Variants in MCAM observed in about 807,000 individuals in gnomAD.
MCAM encodes melanoma cell adhesion molecule, also known as cell surface glycoprotein MUC18.
In MCAM, 55 loss-of-function variants were observed where a neutral mutation model predicts 79.1. The observed-to-expected ratio is 0.70, with a 90% CI of 0.56 to 0.87. The LOEUF (loss-of-function observed/expected upper bound fraction) is 0.87. MCAM is among the 40% of genes least tolerant of loss of function. The probability of loss-of-function intolerance (pLI) is 0.00; values close to 1 mark genes in which losing one functional copy is unlikely to be tolerated. For missense variants in MCAM, 745 were observed against 839.8 expected (o/e 0.89, Z 1.40); for synonymous variants, 330 against 339.8 (o/e 0.97, Z 0.32).
In MCAM at chr11:119,312,007, C is replaced by T. The variant is rs1950241083; in HGVS notation, c.1143+45G>A. The T allele has an allele frequency of 6.2e-7, 1 of 1,606,032 alleles. No individual in the cohort carries two copies. The highest frequency in any genetic ancestry group is 1.1e-5 in the South Asian group (1 of 90,044). ...AAGAGCACATTCTTGTCACCGCCAG[C>T]CCCACCCACCCCATCAGCCCCTTGC... On this transcript the variant is annotated intron_variant, in intron 9 of 15. Transcript: ENST00000264036. The surrounding 1 kb of genome is among the most constrained non-coding windows in gnomAD (Gnocchi z 4.9).
In MCAM at chr11:119,312,420, G is replaced by A; in HGVS notation, c.870C>T (p.Ser290=). The change falls in exon 8 of 16, where the codon AGC becomes AGT. Residue 290 remains serine, a synonymous_variant. Coordinates refer to ENST00000264036, the MANE Select transcript of MCAM (RefSeq NM_006500.3). The surrounding 1 kb of genome is among the most constrained non-coding windows in gnomAD (Gnocchi z 4.9). ...TTGTCTCTTCCTCTGCCTCCCTGGT[G>A]CTGGGGTTCTAGGGAGGATTGGGGA... ...PHFSISKQNP[S]TREAEEETTN... The A allele has an allele frequency of 6.2e-7, 1 of 1,613,876 alleles. No individual in the cohort carries two copies. Among genetic ancestry groups the A allele is most frequent in the Non-Finnish European group, 8.5e-7 (1 of 1,179,934 alleles).
rs1950229663 is a variant in MCAM at position 119,311,252 on chromosome 11, C to T, written c.1549+28G>A. On this transcript the variant is annotated intron_variant, in intron 12 of 15. Coordinates refer to ENST00000264036, the MANE Select transcript of MCAM (RefSeq NM_006500.3). The surrounding 1 kb of genome is among the most constrained non-coding windows in gnomAD (Gnocchi z 4.4). ...CTGCCCGTGCCTGGGCCTGCCCCTG[C>T]CATCCCCTGCAGGGATGCAGCCCTC... 3 of 1,613,314 alleles carry T rather than the reference C, an allele frequency of 1.9e-6. No individual in the cohort carries two copies. The African/African-American group carries it at 4.0e-5, about 22-fold the overall frequency.
rs139348270 is a variant in MCAM at position 119,310,884 on chromosome 11, C to G, written c.1665G>C (p.Pro555=). 9 of 1,614,068 alleles carry G rather than the reference C, an allele frequency of 5.6e-6. No individual in the cohort carries two copies. In the South Asian group the frequency reaches 9.9e-5, roughly 18 times the overall value. ...STSTERKLPE[P]ESRGVVIVAV... ...CCACGATGACCACGCCCCGGCTCTC[C>G]GGCTCCGGCAGCTTTCTCTCTGCGC... Residue 555 remains proline, a synonymous_variant, in exon 14 of 16, where the codon CCG becomes CCC. Coordinates refer to ENST00000264036, the MANE Select transcript of MCAM (RefSeq NM_006500.3).
At position 119,312,477 on chromosome 11, in the gene MCAM, C is replaced by T. The variant is rs768671522; in HGVS notation, c.862-49G>A. 21 of 1,613,822 alleles carry T rather than the reference C, an allele frequency of 1.3e-5. No homozygotes were observed. Among genetic ancestry groups the T allele is most frequent in the Admixed American group, 1.7e-5 (1 of 60,002 alleles). On this transcript the variant is annotated intron_variant, in intron 7 of 15. Transcript: ENST00000264036. The surrounding 1 kb of genome is among the most constrained non-coding windows in gnomAD (Gnocchi z 4.9). ...CAGAGTGCACCTCCCGCCACTCCAC[C>T]TGGGTCTCTGCTTGCATCCCCACCT...
At position 119,310,890 on chromosome 11, in the gene MCAM, C is replaced by T. The variant is rs550922304; in HGVS notation, c.1659G>A (p.Pro553=). The change falls in exon 14 of 16, where the codon CCG becomes CCA. Residue 553 remains proline, a synonymous_variant. Coordinates refer to ENST00000264036, the MANE Select transcript of MCAM (RefSeq NM_006500.3). ...ANSTSTERKL[P]EPESRGVVIV... ...TGACCACGCCCCGGCTCTCCGGCTCCGGCAGCTTTCTCTCTGCGCCACAAA... is the reference window on the plus strand; with the variant it reads ...TGACCACGCCCCGGCTCTCCGGCTCTGGCAGCTTTCTCTCTGCGCCACAAA... 28 of 1,614,170 alleles carry T rather than the reference C, an allele frequency of 1.7e-5. No individual in the cohort carries two copies. The highest frequency in any genetic ancestry group is 1.3e-4 in the South Asian group (12 of 91,086).
intron 5 of MCAM, chr11:119,313,198 G>T (rs868630632): frequency 6.8e-7 from 1 of 1,467,046 alleles, no homozygotes; most frequent in African/African-American, 1.4e-5. Context: ...TGATAAAAAC[G>T]AGCAGCCGTC....
intron 15 of MCAM, 70 bp from the exon 16 acceptor site, chr11:119,309,985 G>T: frequency 7.7e-7 from 1 of 1,305,826 alleles, no homozygotes; most frequent in Non-Finnish European, 1.1e-6. Context: ...GCACCGAGAG[G>T]AAGGAGAGAT....
chr11:119,315,255 C>T lies in MCAM; in HGVS notation c.76G>A (p.Gly26Arg), dbSNP rs758159085. The T allele has an allele frequency of 7.5e-6, 12 of 1,609,918 alleles. No homozygotes were observed. Among genetic ancestry groups the T allele is most frequent in the African/African-American group, 2.7e-5 (2 of 75,004 alleles). The change falls in exon 2 of 16, where the codon GGA (glycine) becomes AGA (arginine). Residue 26 changes from glycine (G) to arginine (R), a missense_variant. Physicochemically the swap from Gly to Arg is moderately radical, Grantham distance 125 (BLOSUM62 -2). Coordinates refer to ENST00000264036, the MANE Select transcript of MCAM (RefSeq NM_006500.3). This position sits in a 1 kb window ranked among gnomAD's most constrained non-coding sequence, Gnocchi z 4.4. ...TCAGGCGCAGGCTGCTCAGCCTCTC[C>T]GGGCACACCTGGGGGAGGGAGGCGG... is the stretch of plus-strand genomic sequence containing the variant. The part of the protein sequence containing the change: ...CCCPRVAGVP[G>R]EAEQPAPELV...
chr11:119,311,484 C>G lies in MCAM; in HGVS notation c.1407+46G>C. On this transcript the variant is annotated intron_variant, in intron 11 of 15. Transcript: ENST00000264036. This position sits in a 1 kb window ranked among gnomAD's most constrained non-coding sequence, Gnocchi z 4.4. ...AGGATCTCTGGTCCTGGCCACAAAGCGCAGGCAGGGATTAGGAGAGTGTGG... is the reference window on the plus strand; with the variant it reads ...AGGATCTCTGGTCCTGGCCACAAAGGGCAGGCAGGGATTAGGAGAGTGTGG... 1.9e-6 allele frequency: 3 copies of G among 1,613,692 alleles called. No individual in the cohort carries two copies. Among genetic ancestry groups the G allele is most frequent in the Non-Finnish European group, 1.7e-6 (2 of 1,179,696 alleles).
chr11:119,312,392 TG>T lies in MCAM; in HGVS notation c.897del (p.Asn300ThrfsTer29). ...PSTREAEEETTNDNGVLVLEP... is the reference protein window; with the variant it reads ...PSTREAEEETXNDNGVLVLEP... ...TCCAGCACCAGGACCCCGTTGTCGT[TG>T]GTTGTCTCTTCCTCTGCCTCCCTGG... On this transcript the variant is annotated frameshift_variant, in exon 8 of 16. Coordinates refer to ENST00000264036, the MANE Select transcript of MCAM (RefSeq NM_006500.3). LOFTEE classifies it high-confidence loss of function. This position sits in a 1 kb window ranked among gnomAD's most constrained non-coding sequence, Gnocchi z 4.9. 6.2e-7 allele frequency: 1 copy of T among 1,613,982 alleles called. No individual in the cohort carries two copies. Among genetic ancestry groups the T allele is most frequent in the South Asian group, 1.1e-5 (1 of 91,080 alleles).
At chr11:119,314,615 C>T (rs761381111) in intron 4 of MCAM, 39 bp from the exon 5 acceptor site, 1 of 1,611,142 alleles carries the variant, frequency 6.2e-7, no homozygotes, top group South Asian at 1.1e-5. Flanking sequence ...GCCTCCGAGC[C>T]CCCTTCAAGC....
In MCAM at chr11:119,311,991, T is replaced by TA; in HGVS notation, c.1144-43_1144-42insT. ...GTCAGAGGGTCTGGGAAAGAGCACATTCTTGTCACCGCCAGCCCCACCCAC... is the reference window on the plus strand; with the variant it reads ...GTCAGAGGGTCTGGGAAAGAGCACATATCTTGTCACCGCCAGCCCCACCCAC... On this transcript the variant is annotated intron_variant, in intron 9 of 15. Coordinates refer to ENST00000264036, the MANE Select transcript of MCAM (RefSeq NM_006500.3). This position sits in a 1 kb window ranked among gnomAD's most constrained non-coding sequence, Gnocchi z 4.4. 6.2e-7 allele frequency: 1 copy of TA among 1,610,954 alleles called. No individual in the cohort carries two copies. The highest frequency in any genetic ancestry group is 8.5e-7 in the Non-Finnish European group (1 of 1,178,506).
rs549549600 is a variant in MCAM, at chr11:119,315,620, C to T, written c.68-357G>A. ...CGGGTGAGCTCAGAGTGTGGGAATGCAAAGCATGTGCCAGGCTGGGGCACA... is the reference window on the plus strand; with the variant it reads ...CGGGTGAGCTCAGAGTGTGGGAATGTAAAGCATGTGCCAGGCTGGGGCACA... On this transcript the variant is annotated intron_variant, in intron 1 of 15. Transcript: ENST00000264036. This position sits in a 1 kb window ranked among gnomAD's most constrained non-coding sequence, Gnocchi z 4.4. 3.8e-4 allele frequency: 105 copies of T among 274,870 alleles called. No homozygotes were observed. The highest frequency in any genetic ancestry group is 1.7e-3 in the African/African-American group (78 of 46,784). The allele number at this position is 274,870 out of a possible 1,614,324, so 17.0% of individuals were successfully genotyped here. A position where few individuals can be genotyped will look rare whatever the true frequency, so the allele number is the denominator to read the frequency against.
At position 119,314,972 on chromosome 11, in the gene MCAM, C is replaced by T. The variant is rs1591287608; in HGVS notation, c.261G>A (p.Glu87=). 2 of 1,611,826 alleles carry T rather than the reference C, an allele frequency of 1.2e-6. No individual in the cohort carries two copies. The highest frequency in any genetic ancestry group is 1.7e-6 in the Non-Finnish European group (2 of 1,179,978). ...CCTGGAGGCTGAGCCGCTGCTCGTA[C>T]TCCCCAGGTTCGCTCTGGCCCTGGC... is the stretch of plus-strand genomic sequence containing the variant. ...RQGQGQSEPG[E]YEQRLSLQDR... Residue 87 remains glutamate (E), a synonymous_variant, in exon 3 of 16, where the codon GAG becomes GAA. Transcript: ENST00000264036.
At chr11:119,313,497 C>T (rs954711174) in intron 5 of MCAM, 14 of 386,420 alleles carry the variant, frequency 3.6e-5, no homozygotes, top group Non-Finnish European at 6.5e-5. Context: ...TCCCTCCCGG[C>T]TTCAAGTGAT....
intron 5 of MCAM, chr11:119,313,447 G>T: frequency 1.4e-6 from 1 of 704,286 alleles, no homozygotes; most frequent in South Asian, 1.9e-5. Context: ...GCCCAGGCTG[G>T]AGTGCAGTGG....
chr11:119,313,082 C>G (rs1254748396), intron 5 of MCAM, 133 bp from the exon 6 acceptor site: 2 of 1,546,580 alleles, frequency 1.3e-6, no homozygotes, highest in African/African-American at 2.7e-5. Context: ...GGTACAAATG[C>G]AAGCTGGAAA....
rs764669628 is a variant in MCAM, at chr11:119,311,855, C to A, written c.1238G>T (p.Ser413Ile). 1 of 1,614,130 alleles carries A rather than the reference C, an allele frequency of 6.2e-7. No homozygotes were observed. Among genetic ancestry groups the A allele is most frequent in the Non-Finnish European group, 8.5e-7 (1 of 1,180,016 alleles). Residue 413 changes from serine to isoleucine, a missense_variant, in exon 10 of 16, where the codon AGC (serine) becomes ATC (isoleucine). Coordinates refer to ENST00000264036, the MANE Select transcript of MCAM (RefSeq NM_006500.3). The surrounding 1 kb of genome is among the most constrained non-coding windows in gnomAD (Gnocchi z 4.4). ...CTGTGTGCGGTTCAGGCCGGGTATGCTGGGCACAGACGCCACGCAGCGATA... is the reference window on the plus strand; with the variant it reads ...CTGTGTGCGGTTCAGGCCGGGTATGATGGGCACAGACGCCACGCAGCGATA... ...GGYRCVASVP[S>I]IPGLNRTQLV...
intron 15 of MCAM, 193 bp from the exon 16 acceptor site, chr11:119,310,108 C>A: frequency 1.6e-6 from 1 of 629,700 alleles, no homozygotes; most frequent in South Asian, 1.9e-5. Flanking sequence ...GAAATGGCCA[C>A]ACCCAGAGCC....
Sources: gnomAD v4.1 joint callset for allele counts on GRCh38, gnomAD v4.1.1 for gene constraint, Gnocchi (gnomAD v3.1) non-coding constraint, MANE v1.5 for transcripts, NCBI Gene and HGNC (gene_info 2026-07-23, HGNC 2026-07-21) for gene names.